Variants in MYRIP observed in about 807,000 individuals in gnomAD.
The protein encoded by MYRIP is myosin VIIA and Rab interacting protein.
Under a neutral mutation model 98.0 loss-of-function variants are expected in MYRIP, and 49 were observed. The ratio of observed to expected loss-of-function variants is 0.50; its 90% confidence interval spans 0.40 to 0.63. MYRIP has a LOEUF of 0.63. Ranked by LOEUF, MYRIP falls within the 30% of genes least tolerant of loss-of-function variation. MYRIP has a pLI of 0.00. For missense variants in MYRIP, 1,004 were observed against 1,058.2 expected (o/e 0.95, Z 0.71); for synonymous variants, 404 against 409.5 (o/e 0.99, Z 0.16).
intron 1 of MYRIP, among the ~76,000 whole-genome samples, chr3:39,820,291 G>A (rs1369986347): frequency 1.3e-5 from 2 of 152,136 alleles, no homozygotes; most frequent in African/African-American, 4.8e-5. Context: ...AAAGTGTGTT[G>A]GGTCATTTTC....
At chr3:40,074,736 C>T (rs890331865) in intron 3 of MYRIP, among the ~76,000 whole-genome samples, 4 of 152,206 alleles carry the variant, frequency 2.6e-5, no homozygotes, top group Admixed American at 2.6e-4. Flanking sequence ...GATAAAGGAG[C>T]TATCCAAAAT....
chr3:39,854,093 A>G (rs549343480), intron 1 of MYRIP, among the ~76,000 whole-genome samples: 1 of 152,096 alleles, frequency 6.6e-6, no homozygotes, highest in East Asian at 1.9e-4. Context: ...GCTCTATATG[A>G]TGTTCCATTG....
chr3:40,001,467 G>T (rs1183912865), intron 2 of MYRIP, among the ~76,000 whole-genome samples: 1 of 152,204 alleles, frequency 6.6e-6, no homozygotes, highest in South Asian at 2.1e-4. Flanking sequence ...TACTGAGACA[G>T]GGTAGGGATT....
At chr3:40,129,412 G>A (rs1324849336) in intron 3 of MYRIP, among the ~76,000 whole-genome samples, 1 of 115,160 alleles carries the variant, frequency 8.7e-6, no homozygotes, top group Admixed American at 1.2e-4. Flanking sequence ...CTACACTCCA[G>A]CCTGGGCGAC....
intron 13 of MYRIP, among the ~76,000 whole-genome samples, chr3:40,247,483 A>C (rs1017483094): frequency 1.3e-5 from 2 of 152,118 alleles, no homozygotes; most frequent in African/African-American, 4.8e-5. Flanking sequence ...GAAAGTGATA[A>C]AACCGGGATT....
Position 39,997,211 on chromosome 3 carries a change from C to CA in MYRIP, c.111-46833dup, listed in dbSNP as rs561540592. Among the ~76,000 whole-genome samples, 403 of 151,884 alleles carry CA rather than the reference C, an allele frequency of 2.7e-3. 1 individual carries two copies. Among genetic ancestry groups the CA allele is most frequent in the African/African-American group, 8.7e-3 (362 of 41,416 alleles). On this transcript the variant is annotated intron_variant, in intron 2 of 16. Transcript: ENST00000302541. Reference sequence around the variant, plus strand: ...AGCAGAACTGAAGGAAATAGAGACACAAAAAACCCTTCAAAAAATCAATGA... The same window carrying CA: ...AGCAGAACTGAAGGAAATAGAGACACAAAAAAACCCTTCAAAAAATCAATGA...
intron 8 of MYRIP, among the ~76,000 whole-genome samples, chr3:40,170,368 T>G (rs548288817): frequency 6.6e-6 from 1 of 152,342 alleles, no homozygotes; most frequent in South Asian, 2.1e-4. Flanking sequence ...CATTTTTTTT[T>G]CATTCTGAAA....
rs186568792 is a variant in MYRIP at position 39,994,425 on chromosome 3, G to A, written c.111-49625G>A. Among the ~76,000 whole-genome samples the A allele has an allele frequency of 1.9e-4, 29 of 152,348 alleles. No homozygotes were observed. The East Asian group carries it at 3.7e-3, about 19-fold the overall frequency. ...CTGGCTCGGAGGGTCCTATGCCCAC[G>A]GAGCCTCGCTCATTGCTAGCACAGC... On this transcript the variant is annotated intron_variant, in intron 2 of 16. Coordinates refer to ENST00000302541, the MANE Select transcript of MYRIP (RefSeq NM_015460.4).
At chr3:40,044,771 G>T (rs1193171803) in intron 3 of MYRIP, among the ~76,000 whole-genome samples, 1 of 152,180 alleles carries the variant, frequency 6.6e-6, no homozygotes, top group Non-Finnish European at 1.5e-5. Context: ...AGCAAGGAGA[G>T]ACTGGCCCTA....
chr3:39,998,136 C>T (rs554156710), intron 2 of MYRIP, among the ~76,000 whole-genome samples: 2 of 152,268 alleles, frequency 1.3e-5, no homozygotes, highest in South Asian at 4.1e-4. Context: ...GACAGGGATG[C>T]CCTCTCTCAC....
intron 1 of MYRIP, among the ~76,000 whole-genome samples, chr3:39,881,923 A>T (rs1287716669): frequency 6.6e-6 from 1 of 151,374 alleles, no homozygotes; most frequent in African/African-American, 2.4e-5. Flanking sequence ...TTCGTCCCTG[A>T]GCATTTTTTT....
At chr3:39,887,457 G>C (rs1259484894) in intron 1 of MYRIP, among the ~76,000 whole-genome samples, 1 of 151,482 alleles carries the variant, frequency 6.6e-6, no homozygotes, top group East Asian at 1.9e-4. Flanking sequence ...ACTAATAAAG[G>C]CCTTTGACAA....
chr3:39,985,572 A>C (rs1329860903), intron 2 of MYRIP, among the ~76,000 whole-genome samples: 29 of 137,990 alleles, frequency 2.1e-4, no homozygotes, highest in African/African-American at 8.1e-4. Context: ...ACAAGGCTAC[A>C]GTAACCAAAA....
intron 3 of MYRIP, among the ~76,000 whole-genome samples, chr3:40,121,070 G>T (rs1559409001): frequency 1.3e-5 from 2 of 152,114 alleles, no homozygotes; most frequent in Non-Finnish European, 2.9e-5. Context: ...TTCAGGGCAA[G>T]GTCAGTGCCA....
chr3:39,920,012 G>C (rs374843338), intron 2 of MYRIP, among the ~76,000 whole-genome samples: 1 of 152,080 alleles, frequency 6.6e-6, no homozygotes, highest in African/African-American at 2.4e-5. Flanking sequence ...CAAGGAAGAT[G>C]ATGGGGCATC....
At chr3:40,003,381 A>G (rs1457921655) in intron 2 of MYRIP, among the ~76,000 whole-genome samples, 2 of 152,194 alleles carry the variant, frequency 1.3e-5, no homozygotes, top group Non-Finnish European at 2.9e-5. Context: ...CCCTTTGGGG[A>G]TTCCCAGAAA....
At chr3:39,929,698 A>G (rs1313850026) in intron 2 of MYRIP, among the ~76,000 whole-genome samples, 5 of 152,024 alleles carry the variant, frequency 3.3e-5, no homozygotes, top group Non-Finnish European at 7.4e-5. Context: ...ATCTCTGTCT[A>G]ATTTTAGAAA....
At chr3:39,860,960 C>A (rs1396614097) in intron 1 of MYRIP, among the ~76,000 whole-genome samples, 3 of 152,266 alleles carry the variant, frequency 2.0e-5, no homozygotes, top group Non-Finnish European at 2.9e-5. Context: ...GCTAGCACCC[C>A]TGCTTCTGCC....
At chr3:39,846,965 T>C (rs1015643711) in intron 1 of MYRIP, among the ~76,000 whole-genome samples, 2 of 152,184 alleles carry the variant, frequency 1.3e-5, no homozygotes, top group African/African-American at 4.8e-5. Flanking sequence ...CTCAGGGAGC[T>C]CATTCTTTTT....
Sources: gnomAD v4.1 joint callset for allele counts (sites outside exome capture counted in the v4.1 genomes callset) on GRCh38, gnomAD v4.1.1 for gene constraint, MANE v1.5 for transcripts, NCBI Gene and HGNC (gene_info 2026-07-23, HGNC 2026-07-21) for gene names.